Variants in MCM10 observed in about 807,000 individuals in gnomAD.
MCM10 encodes minichromosome maintenance 10 replication initiation factor.
In MCM10, 91 loss-of-function variants were observed where a neutral mutation model predicts 109.9. That is an observed-to-expected ratio of 0.83 (90% CI 0.70 to 0.99). MCM10 has a LOEUF of 0.99. Among genes scored for constraint, MCM10 ranks in the 50% least tolerant of loss-of-function variants. MCM10 has a pLI of 0.00. For synonymous variants in MCM10, 380 were observed against 387.2 expected, an observed-to-expected ratio of 0.98 and a Z score of 0.22; for missense variants, 1,077 against 1,061.2, an observed-to-expected ratio of 1.01 and a Z score of -0.21.
chr10:13,180,001 C>T (rs1260583416), intron 6 of MCM10, among the ~76,000 whole-genome samples: 1 of 152,204 alleles, frequency 6.6e-6, no homozygotes, highest in African/African-American at 2.4e-5. Flanking sequence ...CACCTGTAAT[C>T]CCCGCACTTT....
At chr10:13,173,660 C>A (rs1396495107) in intron 5 of MCM10, among the ~76,000 whole-genome samples, 1 of 152,272 alleles carries the variant, frequency 6.6e-6, no homozygotes, top group Admixed American at 6.5e-5. Flanking sequence ...GTGCCACAGT[C>A]GTAGAGAACT....
chr10:13,204,077 G>A lies in MCM10; in HGVS notation c.2353-142G>A, dbSNP rs773032105. 11 of 853,460 alleles carry A rather than the reference G, an allele frequency of 1.3e-5. No homozygotes were observed. In the Admixed American group the frequency reaches 1.7e-4, roughly 13 times the overall value. The allele number at this position is 853,460 out of a possible 1,614,324, so 52.9% of individuals were successfully genotyped here. The stretch of plus-strand genomic sequence containing the variant: ...CACACGGGTCACTGTAGCAAGAGGC[G>A]AAGGTGGCCCAGTCCCCTAGCAAGG... On this transcript the variant is annotated intron_variant, in intron 17 of 19. Coordinates refer to ENST00000378714, the MANE Select transcript of MCM10 (RefSeq NM_018518.5).
At chr10:13,199,176 G>A (rs1211878925) in intron 16 of MCM10, among the ~76,000 whole-genome samples, 1 of 152,202 alleles carries the variant, frequency 6.6e-6, no homozygotes, top group East Asian at 1.9e-4. Context: ...GATTACAGGC[G>A]TGAGCCACCA....
At chr10:13,199,061 A>T (rs1834461892) in intron 16 of MCM10, among the ~76,000 whole-genome samples, 1 of 152,054 alleles carries the variant, frequency 6.6e-6, no homozygotes, top group Non-Finnish European at 1.5e-5. Context: ...ACACGAAGCA[A>T]ATTTTTGTGT....
chr10:13,186,045 A>G (rs1834270379), intron 8 of MCM10, 119 bp from the exon 9 acceptor site: 1 of 635,070 alleles, frequency 1.6e-6, no homozygotes, highest in Non-Finnish European at 2.9e-6. Context: ...TATAGGTGTG[A>G]GCCACTGCGC....
intron 16 of MCM10, among the ~76,000 whole-genome samples, 154 bp from the exon 17 acceptor site, chr10:13,201,266 AG>A (rs1449635614): frequency 7.2e-5 from 11 of 152,180 alleles, no homozygotes; most frequent in Non-Finnish European, 1.6e-4. Context: ...GGTGCTGTCC[AG>A]GGCCCTCTCA....
At chr10:13,177,129 T>C (rs546700281) in intron 6 of MCM10, among the ~76,000 whole-genome samples, 2 of 152,304 alleles carry the variant, frequency 1.3e-5, no homozygotes, top group Admixed American at 1.3e-4. Flanking sequence ...ATGAACCATG[T>C]TGCTGCTGGT....
intron 18 of MCM10, among the ~76,000 whole-genome samples, chr10:13,206,787 T>C (rs1288148648): frequency 6.8e-6 from 1 of 147,742 alleles, no homozygotes; most frequent in East Asian, 2.0e-4. Flanking sequence ...TTCTGGACTT[T>C]TTGTCAGTTG....
chr10:13,165,443 G>A (rs752390906), intron 2 of MCM10, among the ~76,000 whole-genome samples: 13 of 152,184 alleles, frequency 8.5e-5, no homozygotes, highest in Non-Finnish European at 1.5e-4. Flanking sequence ...TTGGCAAATT[G>A]CCTACAGGGC....
chr10:13,195,378 G>A, intron 14 of MCM10, 109 bp downstream of exon 14: 1 of 825,492 alleles, frequency 1.2e-6, no homozygotes, highest in Non-Finnish European at 1.9e-6. Context: ...ATTAGAGTCA[G>A]TGTAATTTGA....
At chr10:13,201,875 C>T in intron 17 of MCM10, 1 of 239,856 alleles carries the variant, frequency 4.2e-6, no homozygotes, top group East Asian at 1.0e-4. Flanking sequence ...CGTTCTCAGG[C>T]CTTGGGACCG....
At chr10:13,164,579 G>A (rs1278354545) in intron 2 of MCM10, among the ~76,000 whole-genome samples, 1 of 152,238 alleles carries the variant, frequency 6.6e-6, no homozygotes, top group Non-Finnish European at 1.5e-5. Context: ...GCATAGCAGG[G>A]CTTTGAACCA....
intron 9 of MCM10, 104 bp downstream of exon 9, chr10:13,186,384 C>A: frequency 1.4e-6 from 1 of 715,312 alleles, no homozygotes. Context: ...CTGAGTTTCC[C>A]ACTTAAAGGA....
Position 13,204,226 on chromosome 10 carries a change from A to T in MCM10, c.2360A>T (p.Tyr787Phe), listed in dbSNP as rs765547073. The part of the protein sequence containing the change: ...CRVVTCKTCA[Y>F]THFKLLETCV... ...TTTTGTTGCTCTGTGCAGTGCGCCTATACCCACTTCAAGCTGCTGGAGACC... is the reference window on the plus strand; with the variant it reads ...TTTTGTTGCTCTGTGCAGTGCGCCTTTACCCACTTCAAGCTGCTGGAGACC... Residue 787 changes from tyrosine to phenylalanine, a missense_variant, in exon 18 of 20, where the codon TAT becomes TTT. Physicochemically the swap from Tyr to Phe is conservative, Grantham distance 22. Transcript: ENST00000378714. 13 of 1,614,084 alleles carry T rather than the reference A, an allele frequency of 8.1e-6. No homozygotes were observed. The Admixed American group carries it at 2.0e-4, about 25-fold the overall frequency.
intron 2 of MCM10, 61 bp from the exon 3 acceptor site, chr10:13,170,861 A>G: frequency 1.4e-6 from 2 of 1,475,638 alleles, no homozygotes; most frequent in Non-Finnish European, 9.3e-7. Flanking sequence ...TAAATTGCCT[A>G]AAGTTGAATG....
Position 13,198,206 on chromosome 10 carries a change from A to AT in MCM10, c.2119+446dup, listed in dbSNP as rs1282010806. On this transcript the variant is annotated intron_variant, in intron 15 of 19. Coordinates refer to ENST00000378714, the MANE Select transcript of MCM10 (RefSeq NM_018518.5). Reference sequence around the variant, plus strand: ...GGATTACAGACGTGAGCTGGAACTGATTTTTTTATAATTACATTAAATTGG... The same window carrying AT: ...GGATTACAGACGTGAGCTGGAACTGATTTTTTTTATAATTACATTAAATTGG... Among the ~76,000 whole-genome samples, 4 of 152,018 alleles carry AT rather than the reference A, an allele frequency of 2.6e-5. No homozygotes were observed. In the East Asian group the frequency reaches 5.8e-4, roughly 22 times the overall value.
chr10:13,195,822 C>G (rs576321223), intron 14 of MCM10, among the ~76,000 whole-genome samples: 34 of 151,844 alleles, frequency 2.2e-4, no homozygotes, highest in East Asian at 7.8e-4. Flanking sequence ...AGGCTGGTCT[C>G]GAACTCCTGA....
In MCM10 at chr10:13,180,479, A is replaced by G. The variant is rs747712430; in HGVS notation, c.802A>G (p.Met268Val). The G allele has an allele frequency of 1.1e-5, 18 of 1,613,788 alleles. 1 individual carries two copies. In the East Asian group the frequency reaches 3.6e-4, roughly 32 times the overall value. ...RVSSTEMNKKMTGRKLIRLSQ... is the reference protein window; with the variant it reads ...RVSSTEMNKKVTGRKLIRLSQ... The stretch of plus-strand genomic sequence containing the variant: ...ATCCTCCACAGAAATGAACAAGAAA[A>G]TGACCGGCCGAAAACTGATCAGACT... The change falls in exon 7 of 20, where the codon ATG (methionine) becomes GTG (valine). Residue 268 changes from methionine (M) to valine (V), a missense_variant. Coordinates refer to ENST00000378714, the MANE Select transcript of MCM10 (RefSeq NM_018518.5).
chr10:13,165,815 C>T (rs1434742470), intron 2 of MCM10, among the ~76,000 whole-genome samples: 1 of 143,912 alleles, frequency 6.9e-6, no homozygotes, highest in African/African-American at 2.6e-5. Context: ...GCAGAGGTTG[C>T]ATTGCATCGA....
Sources: gnomAD v4.1 joint callset for allele counts (sites outside exome capture counted in the v4.1 genomes callset) on GRCh38, gnomAD v4.1.1 for gene constraint, MANE v1.5 for transcripts, NCBI Gene and HGNC (gene_info 2026-07-23, HGNC 2026-07-21) for gene names.